Variants in RGS22 observed in about 807,000 individuals in gnomAD.
The protein encoded by RGS22 is regulator of G-protein signaling 22.
A neutral mutation model predicts 172.9 loss-of-function variants in RGS22; 148 were observed. The ratio of observed to expected loss-of-function variants is 0.86; its 90% CI spans 0.75 to 0.98. The LOEUF (loss-of-function observed/expected upper bound fraction) is 0.98. RGS22 is among the 50% of genes least tolerant of loss of function. The pLI, the probability that RGS22 is intolerant of heterozygous loss-of-function variation, is 0.00. For missense variants in RGS22, 1,347 were observed against 1,440.8 expected (o/e 0.93, Z 1.05); for synonymous variants, 458 against 480.2 (o/e 0.95, Z 0.60).
intron 14 of RGS22, among the ~76,000 whole-genome samples, chr8:100,016,621 C>G (rs1448795134): frequency 6.6e-6 from 1 of 151,778 alleles, no homozygotes; most frequent in Admixed American, 6.6e-5. Flanking sequence ...ACTAAAAATA[C>G]AAAAAATTAG....
rs1446444910 is a variant in RGS22 at position 100,073,424 on chromosome 8, CAAAACAAAAAAAA to C, written c.340-1207_340-1195del. On this transcript the variant is annotated intron_variant, in intron 4 of 27. Transcript: ENST00000360863. ...TAGTTTCCTTCTAATCAGCAAAAAA[CAAAACAAAAAAAA>C]AAAACAAAAAAAACATGTATTTGCC... Among the ~76,000 whole-genome samples the C allele has an allele frequency of 1.7e-4, 13 of 77,168 alleles. No homozygotes were observed. In the East Asian group the frequency reaches 2.6e-3, roughly 15 times the overall value. 50.6% of individuals were successfully genotyped at this position (77,168 alleles called of 152,430 possible).
At chr8:100,008,032 T>C (rs545831484) in intron 15 of RGS22, among the ~76,000 whole-genome samples, 1 of 151,628 alleles carries the variant, frequency 6.6e-6, no homozygotes, top group South Asian at 2.1e-4. Flanking sequence ...TATTTTATTT[T>C]TTATTTTTTA....
At position 99,962,846 on chromosome 8, in the gene RGS22, G is replaced by A. The variant is rs532924249; in HGVS notation, c.3709+39C>T. Reference sequence around the variant, plus strand: ...CTTCTAAAATTAATCTGTGATAAAAGATAAAAAAGTAAACTTGTAGGCAGA... The same window carrying A: ...CTTCTAAAATTAATCTGTGATAAAAAATAAAAAAGTAAACTTGTAGGCAGA... On this transcript the variant is annotated intron_variant, in intron 25 of 27. Coordinates refer to ENST00000360863, the MANE Select transcript of RGS22 (RefSeq NM_015668.5). 92 of 1,578,296 alleles carry A rather than the reference G, an allele frequency of 5.8e-5. No individual in the cohort carries two copies. In the East Asian group the frequency reaches 1.9e-3, roughly 32 times the overall value.
intron 14 of RGS22, among the ~76,000 whole-genome samples, chr8:100,025,154 G>C (rs1025309720): frequency 3.3e-5 from 5 of 152,140 alleles, no homozygotes; most frequent in African/African-American, 1.2e-4. Flanking sequence ...GTAGCTACAA[G>C]CCAGAAAGCT....
chr8:99,999,452 T>G, intron 18 of RGS22, 32 bp from the exon 19 acceptor site: 4 of 1,605,564 alleles, frequency 2.5e-6, no homozygotes, highest in Non-Finnish European at 3.4e-6. Flanking sequence ...CAGAAACTAT[T>G]GTGCTTTCTA....
intron 14 of RGS22, among the ~76,000 whole-genome samples, chr8:100,026,528 T>C (rs1424979405): frequency 6.6e-6 from 1 of 152,170 alleles, no homozygotes; most frequent in Non-Finnish European, 1.5e-5. Flanking sequence ...CAGGACTGAC[T>C]TATTTGTCAT....
At chr8:99,971,785 G>A (rs894207474) in intron 23 of RGS22, among the ~76,000 whole-genome samples, 2 of 151,776 alleles carry the variant, frequency 1.3e-5, no homozygotes, top group African/African-American at 4.8e-5. Context: ...CAGTATCGTG[G>A]GATAGGAAGA....
intron 14 of RGS22, among the ~76,000 whole-genome samples, chr8:100,022,980 T>C (rs1817780754): frequency 6.6e-6 from 1 of 152,136 alleles, no homozygotes; most frequent in Admixed American, 6.6e-5. Context: ...TCTACGTGCC[T>C]TGGCCTCCCA....
chr8:99,965,299 C>A (rs371084742), intron 24 of RGS22, 36 bp downstream of exon 24: 2 of 1,385,112 alleles, frequency 1.4e-6, no homozygotes, highest in South Asian at 2.3e-5. Flanking sequence ...AATGCTCCAG[C>A]GGGGAAATGA....
At chr8:99,989,453 T>G (rs1007329999) in intron 20 of RGS22, among the ~76,000 whole-genome samples, 7 of 152,240 alleles carry the variant, frequency 4.6e-5, no homozygotes, top group African/African-American at 1.7e-4. Context: ...TATTTCAATT[T>G]GATTTGATTT....
At chr8:99,975,249 G>A (rs1177593944) in intron 23 of RGS22, among the ~76,000 whole-genome samples, 1 of 151,984 alleles carries the variant, frequency 6.6e-6, no homozygotes, top group Non-Finnish European at 1.5e-5. Flanking sequence ...TTAGAAACTT[G>A]TAATATTAAG....
At chr8:99,997,346 A>C (rs1165734783) in intron 19 of RGS22, among the ~76,000 whole-genome samples, 2 of 152,232 alleles carry the variant, frequency 1.3e-5, no homozygotes, top group African/African-American at 4.8e-5. Context: ...AAACGTGGTA[A>C]ATAATATTAG....
chr8:100,087,697 T>C (rs1812265524), intron 3 of RGS22, among the ~76,000 whole-genome samples: 1 of 152,172 alleles, frequency 6.6e-6, no homozygotes, highest in African/African-American at 2.4e-5. Flanking sequence ...AGCTGTATTT[T>C]AAACATGCAT....
At chr8:100,018,941 T>A (rs1429704025) in intron 14 of RGS22, among the ~76,000 whole-genome samples, 11 of 150,782 alleles carry the variant, frequency 7.3e-5, no homozygotes, top group Non-Finnish European at 1.6e-4. Context: ...ACCTGAGAAA[T>A]GAAAATTGTG....
rs542184126 is a variant in RGS22 at position 100,067,583 on chromosome 8, G to T, written c.595-1287C>A. Among the ~76,000 whole-genome samples, 7 of 150,936 alleles carry T rather than the reference G, an allele frequency of 4.6e-5. No individual in the cohort carries two copies. The South Asian group carries it at 1.5e-3, about 32-fold the overall frequency. On this transcript the variant is annotated intron_variant, in intron 6 of 27. Coordinates refer to ENST00000360863, the MANE Select transcript of RGS22 (RefSeq NM_015668.5). ...CAGGAGAGAAAGAAGTCATCAGTCA[G>T]ACTTTAACATCTTTAACATAATTAT...
rs1329227821 is a variant in RGS22, at chr8:99,961,168, A to T, written c.*74T>A. ...AAAAAACAAATCACTGGAGCTTCTC[A>T]TGTCAGCAGAATCTGGTTTAAAGAA... On this transcript the variant is annotated 3_prime_UTR_variant, in exon 28 of 28. Transcript: ENST00000360863. The T allele has an allele frequency of 1.1e-5, 5 of 453,106 alleles. No homozygotes were observed. Among genetic ancestry groups the T allele is most frequent in the Non-Finnish European group, 2.2e-5 (5 of 225,590 alleles). 28.1% of individuals were successfully genotyped at this position (453,106 alleles called of 1,614,324 possible).
In RGS22 at chr8:100,061,014, T is replaced by A. The variant is rs72676295; in HGVS notation, c.1514+1577A>T. Among the ~76,000 whole-genome samples the A allele has an allele frequency of 3.1e-3, 473 of 152,000 alleles. 4 individuals are homozygous for A. Among genetic ancestry groups the A allele is most frequent in the Admixed American group, 4.5e-3 (68 of 15,272 alleles). Reference sequence around the variant, plus strand: ...TAGAGAATGCAGAAATAAGACCACATACCTACAACTATCTGATCTTTGAAA... The same window carrying A: ...TAGAGAATGCAGAAATAAGACCACAAACCTACAACTATCTGATCTTTGAAA... On this transcript the variant is annotated intron_variant, in intron 9 of 27. Coordinates refer to ENST00000360863, the MANE Select transcript of RGS22 (RefSeq NM_015668.5).
chr8:100,011,605 C>T (rs1229416205), intron 14 of RGS22, among the ~76,000 whole-genome samples: 1 of 152,100 alleles, frequency 6.6e-6, no homozygotes, highest in Non-Finnish European at 1.5e-5. Context: ...AGTTCAGGAC[C>T]TGTCAGTGGG....
chr8:100,023,033 T>C (rs551025486), intron 14 of RGS22, among the ~76,000 whole-genome samples: 2 of 152,264 alleles, frequency 1.3e-5, no homozygotes, highest in South Asian at 2.1e-4. Context: ...CATGATTATA[T>C]TAAAATTTCT....
Sources: gnomAD v4.1 joint callset for allele counts (sites outside exome capture counted in the v4.1 genomes callset) on GRCh38, gnomAD v4.1.1 for gene constraint, MANE v1.5 for transcripts, NCBI Gene and HGNC (gene_info 2026-07-23, HGNC 2026-07-21) for gene names.